The following SV2C variants were observed in gnomAD, a reference collection of about 807,000 sequenced individuals.
The protein encoded by SV2C is synaptic vesicle glycoprotein 2C.
A neutral mutation model predicts 79.7 loss-of-function variants in SV2C; 49 were observed. That is an observed-to-expected ratio of 0.61 (90% CI 0.49 to 0.78). The LOEUF is 0.78. Among genes scored for constraint, SV2C ranks in the 30% least tolerant of loss-of-function variants. The probability of loss-of-function intolerance (pLI) is 0.00; values close to 1 mark genes in which losing one functional copy is unlikely to be tolerated. For missense variants in SV2C, 833 were observed against 912.9 expected, an observed-to-expected ratio of 0.91 and a Z score of 1.13; for synonymous variants, 334 against 333.2, an observed-to-expected ratio of 1.00 and a Z score of -0.03.
the SV2C span, among the ~76,000 whole-genome samples, chr5:76,039,861 C>G: frequency 6.6e-6 from 1 of 151,942 alleles, no homozygotes; most frequent in Non-Finnish European, 1.5e-5. Flanking sequence ...ACAGTCAATG[C>G]CCTTTCCATA....
chr5:76,010,323 C>T, the SV2C span, among the ~76,000 whole-genome samples: 5 of 151,992 alleles, frequency 3.3e-5, no homozygotes, highest in Non-Finnish European at 5.9e-5. Context: ...GATCACTCAC[C>T]GCTAATTATC....
intron 2 of SV2C, among the ~76,000 whole-genome samples, chr5:76,163,697 T>C (rs1045939114): frequency 6.6e-6 from 1 of 152,190 alleles, no homozygotes; most frequent in Non-Finnish European, 1.5e-5. Context: ...GATTAAACAT[T>C]TTAAGAATTT....
the SV2C span, among the ~76,000 whole-genome samples, chr5:76,039,493 C>T: frequency 3.9e-5 from 6 of 152,254 alleles, no homozygotes; most frequent in South Asian, 2.1e-4. Flanking sequence ...TGGTGGCTTA[C>T]GCCTGTAATC....
chr5:76,332,641 T>C lies in SV2C; in HGVS notation c.*7094T>C, dbSNP rs911274025. ...TACAGGTATACTACTACACACACCTTCCCAAGTGACAGTATTTTTGTAGTT... is the reference window on the plus strand; with the variant it reads ...TACAGGTATACTACTACACACACCTCCCCAAGTGACAGTATTTTTGTAGTT... On this transcript the variant is annotated 3_prime_UTR_variant, in exon 13 of 13. Transcript: ENST00000502798. The C allele has an allele frequency of 2.6e-5, 4 of 152,120 alleles. No individual in the cohort carries two copies. Among genetic ancestry groups the C allele is most frequent in the African/African-American group, 9.7e-5 (4 of 41,408 alleles). 9.4% of individuals were successfully genotyped at this position (152,120 alleles called of 1,614,324 possible).
At chr5:75,933,509 T>G in the SV2C span, among the ~76,000 whole-genome samples, 1 of 152,210 alleles carries the variant, frequency 6.6e-6, no homozygotes, top group African/African-American at 2.4e-5. Flanking sequence ...TGAGTTTCTT[T>G]AGTCTCCTGG....
At chr5:76,152,221 G>C (rs736005) in intron 2 of SV2C, among the ~76,000 whole-genome samples, 52,226 of 152,080 alleles carry the variant, frequency 0.34, 10,625 homozygotes, top group Non-Finnish European at 0.47. Flanking sequence ...TGAACTGCTC[G>C]ATTTGGTTTT....
At chr5:76,050,326 A>C in the SV2C span, among the ~76,000 whole-genome samples, 1 of 152,162 alleles carries the variant, frequency 6.6e-6, no homozygotes, top group Non-Finnish European at 1.5e-5. Context: ...AGGGAGGTTA[A>C]AGAGAAGTAC....
chr5:75,874,269 T>C, the SV2C span, among the ~76,000 whole-genome samples: 2 of 152,158 alleles, frequency 1.3e-5, no homozygotes, highest in Admixed American at 6.5e-5. Flanking sequence ...TCAACAAATG[T>C]GATTCATCAC....
chr5:75,938,986 AG>A, the SV2C span, among the ~76,000 whole-genome samples: 5 of 152,102 alleles, frequency 3.3e-5, no homozygotes, highest in Non-Finnish European at 7.4e-5. Context: ...GGGGAGAGGC[AG>A]GGGAATGTCT....
chr5:76,302,061 A>G (rs1434484977), intron 12 of SV2C, among the ~76,000 whole-genome samples: 2 of 152,224 alleles, frequency 1.3e-5, no homozygotes, highest in African/African-American at 2.4e-5. Context: ...TAATAGGGCA[A>G]TGAAGCCAGT....
At chr5:76,109,870 G>A (rs1748045249) in intron 1 of SV2C, among the ~76,000 whole-genome samples, 1 of 152,174 alleles carries the variant, frequency 6.6e-6, no homozygotes. Flanking sequence ...AGGCCATCCA[G>A]TTTGTGGTAT....
the SV2C span, among the ~76,000 whole-genome samples, chr5:75,994,939 G>T: frequency 1.3e-5 from 2 of 152,164 alleles, no homozygotes; most frequent in African/African-American, 4.8e-5. Flanking sequence ...GGAATCAATG[G>T]TGTAGCTGAC....
intron 3 of SV2C, among the ~76,000 whole-genome samples, chr5:76,205,546 C>T (rs1264669346): frequency 6.6e-6 from 1 of 152,050 alleles, no homozygotes; most frequent in Non-Finnish European, 1.5e-5. Flanking sequence ...GATCTCATTG[C>T]TTCATTTATG....
Position 76,110,924 on chromosome 5 carries a change from A to G in SV2C, c.-101-20726A>G, listed in dbSNP as rs142617802. Among the ~76,000 whole-genome samples, 451 of 152,338 alleles carry G rather than the reference A, an allele frequency of 3.0e-3. 5 individuals carry two copies. The highest frequency in any genetic ancestry group is 8.4e-3 in the African/African-American group (348 of 41,586). ...TCTTAGATATGGGTTCACATTTGCT[A>G]GAACCGGCTCTGTGTGACTCTGGGC... On this transcript the variant is annotated intron_variant, in intron 1 of 12. Coordinates refer to ENST00000502798, the MANE Select transcript of SV2C (RefSeq NM_014979.4).
intron 12 of SV2C, among the ~76,000 whole-genome samples, chr5:76,322,343 C>T (rs1748857589): frequency 6.6e-6 from 1 of 152,144 alleles, no homozygotes; most frequent in African/African-American, 2.4e-5. Context: ...TGTGAAGGAA[C>T]TCTTCAAGGA....
At chr5:76,120,084 C>G (rs1260892123) in intron 1 of SV2C, among the ~76,000 whole-genome samples, 1 of 152,106 alleles carries the variant, frequency 6.6e-6, no homozygotes, top group Non-Finnish European at 1.5e-5. Context: ...GATCCTTATA[C>G]AATGTATACA....
chr5:76,070,376 C>T, the SV2C span, among the ~76,000 whole-genome samples: 1 of 152,144 alleles, frequency 6.6e-6, no homozygotes, highest in Non-Finnish European at 1.5e-5. Flanking sequence ...TTCTATCAGG[C>T]AGGTTTCTAC....
chr5:76,027,276 G>A, the SV2C span, among the ~76,000 whole-genome samples: 5 of 151,784 alleles, frequency 3.3e-5, no homozygotes, highest in Admixed American at 6.6e-5. Context: ...TGTCCAGGCT[G>A]GTCTCAAACT....
chr5:76,306,042 G>A (rs796407690), intron 12 of SV2C, among the ~76,000 whole-genome samples: 4 of 152,204 alleles, frequency 2.6e-5, no homozygotes, highest in African/African-American at 9.6e-5. Flanking sequence ...GTGGAGCAGG[G>A]GGAAGGATGG....
Sources: allele counts gnomAD v4.1 joint callset (sites outside exome capture counted in the v4.1 genomes callset), GRCh38; gene constraint gnomAD v4.1.1; transcripts MANE v1.5; gene names NCBI Gene and HGNC (gene_info 2026-07-23, HGNC 2026-07-21).